The following COL4A1 variants were observed in gnomAD, a reference collection of about 807,000 sequenced individuals.
COL4A1 encodes collagen type IV alpha 1 chain.
COL4A1 carries 40 observed loss-of-function variants against 216.6 expected under a neutral mutation model. The observed-to-expected ratio is 0.18, with a 90% CI of 0.14 to 0.24. COL4A1 has a LOEUF of 0.24. Among genes scored for constraint, COL4A1 ranks in the 10% least tolerant of loss-of-function variants. The probability of loss-of-function intolerance (pLI) is 1.00; values close to 1 mark genes in which losing one functional copy is unlikely to be tolerated. For synonymous variants in COL4A1, 839 were observed against 810.7 expected, an observed-to-expected ratio of 1.03 and a Z score of -0.59; for missense variants, 1,628 against 2,196.8, an observed-to-expected ratio of 0.74 and a Z score of 5.18.
intron 51 of COL4A1, 66 bp downstream of exon 51, chr13:110,152,268 C>T (rs1171598867): frequency 5.0e-6 from 8 of 1,599,594 alleles, no homozygotes; most frequent in Admixed American, 3.4e-5. Context: ...TTACGGATCG[C>T]GGATGATTAA....
intron 2 of COL4A1, among the ~76,000 whole-genome samples, chr13:110,229,996 C>T (rs914065349): frequency 6.6e-6 from 1 of 152,150 alleles, no homozygotes; most frequent in Non-Finnish European, 1.5e-5. Flanking sequence ...CTCTCCTGTC[C>T]CCTTCCACAG....
chr13:110,179,442 G>A, intron 29 of COL4A1, 21 bp from the exon 30 acceptor site: 2 of 1,613,998 alleles, frequency 1.2e-6, no homozygotes, highest in Non-Finnish European at 8.5e-7. Context: ...CCAAAGCACA[G>A]AGAAGCAAAT....
rs551365970 is a variant in COL4A1 at position 110,176,474 on chromosome 13, G to A, written c.3008C>T (p.Ala1003Val). 40 of 1,614,016 alleles carry A rather than the reference G, an allele frequency of 2.5e-5. No individual in the cohort carries two copies. The South Asian group carries it at 3.8e-4, about 16-fold the overall frequency. ...TCCTTTTGGTCCCGGAAGTCCTGGAGCACCTGGGGTTCCACTTATACCTGG... is the reference window on the plus strand; with the variant it reads ...TCCTTTTGGTCCCGGAAGTCCTGGAACACCTGGGGTTCCACTTATACCTGG... The part of the protein sequence containing the change: ...GDPGISGTPG[A>V]PGLPGPKGSV... Residue 1003 changes from alanine to valine, a missense_variant, in exon 36 of 52, where the codon GCT (alanine) becomes GTT (valine). Physicochemically the swap from Ala to Val is moderately conservative, Grantham distance 64. Around this residue, in one of 8 missense-constraint regions of COL4A1, gnomAD observed 58 missense variants for 132.5 expected, o/e 0.44. Transcript: ENST00000375820.
intron 8 of COL4A1, among the ~76,000 whole-genome samples, 176 bp from the exon 9 acceptor site, chr13:110,210,388 G>A (rs1174524261): frequency 3.3e-5 from 5 of 152,060 alleles, no homozygotes; most frequent in South Asian, 2.1e-4. Context: ...CATGATTGCC[G>A]TCTTAATGGC....
At chr13:110,291,478 T>C (rs1884086603) in intron 1 of COL4A1, among the ~76,000 whole-genome samples, 1 of 152,208 alleles carries the variant, frequency 6.6e-6, no homozygotes. Context: ...TGGACCTCGC[T>C]GGCCTGGGCA....
intron 28 of COL4A1, among the ~76,000 whole-genome samples, 167 bp from the exon 29 acceptor site, chr13:110,181,556 C>T (rs146787452): frequency 2.1e-3 from 320 of 152,258 alleles, no homozygotes; most frequent in African/African-American, 7.2e-3. Context: ...GGAGACTGCC[C>T]GGCAGAGGGG....
intron 2 of COL4A1, among the ~76,000 whole-genome samples, chr13:110,232,490 T>C (rs901835052): frequency 6.6e-6 from 1 of 152,230 alleles, no homozygotes; most frequent in Non-Finnish European, 1.5e-5. Context: ...GAAAATCCCA[T>C]TGCCCAGTTT....
chr13:110,239,010 T>G (rs1194562887), intron 2 of COL4A1, among the ~76,000 whole-genome samples: 1 of 152,178 alleles, frequency 6.6e-6, no homozygotes, highest in Non-Finnish European at 1.5e-5. Flanking sequence ...AGAGCCACTG[T>G]GTGCAAGGCC....
At chr13:110,201,390 G>GAGAAGGAGGGGGAGT in intron 19 of COL4A1, 48 bp downstream of exon 19, 1 of 1,319,966 alleles carries the variant, frequency 7.6e-7, no homozygotes, top group Non-Finnish European at 1.0e-6. Flanking sequence ...AGGAGGAGGA[G>GAGAAGGAGGGGGAGT]AGAAGGAGGG....
intron 1 of COL4A1, among the ~76,000 whole-genome samples, chr13:110,253,630 ATATG>A (rs1223690588): frequency 2.4e-4 from 32 of 135,788 alleles, no homozygotes; most frequent in Middle Eastern, 4.9e-3. Flanking sequence ...TTATAATTAT[ATATG>A]TATGTATGTA....
At chr13:110,155,216 A>G (rs1566334820) in intron 50 of COL4A1, 67 bp downstream of exon 50, 1 of 1,168,226 alleles carries the variant, frequency 8.6e-7, no homozygotes, top group East Asian at 2.3e-5. Flanking sequence ...GAGGCACCAG[A>G]CAGAGGCGAC....
chr13:110,169,712 T>C lies in COL4A1; in HGVS notation c.3793A>G (p.Lys1265Glu). ...PPGLPGIDGV[K>E]GDKGNPGWPG... ...CAGCCTGGATTTCCTTTGTCACCTT[T>C]AACTCCATCAATCCCAGGAAGCCCT... Residue 1265 changes from lysine (K) to glutamate (E), a missense_variant, in exon 43 of 52, where the codon AAA (lysine) becomes GAA (glutamate). Transcript: ENST00000375820. The C allele has an allele frequency of 6.2e-7, 1 of 1,614,026 alleles. No individual in the cohort carries two copies. Among genetic ancestry groups the C allele is most frequent in the Non-Finnish European group, 8.5e-7 (1 of 1,180,006 alleles).
intron 1 of COL4A1, among the ~76,000 whole-genome samples, chr13:110,291,641 T>A (rs1046077157): frequency 3.3e-5 from 5 of 152,208 alleles, no homozygotes; most frequent in Admixed American, 6.5e-5. Flanking sequence ...GAGCCCTGAC[T>A]GCCCCCAAGT....
In COL4A1 at chr13:110,209,359, T is replaced by A. The variant is rs1225675388; in HGVS notation, c.651+33A>T. The A allele has an allele frequency of 6.9e-6, 11 of 1,605,384 alleles. No homozygotes were observed. The African/African-American group carries it at 1.5e-4, about 21-fold the overall frequency. ...CAATTTCATGATAGCCTTATACTAA[T>A]GCCAAAGAACAAAAAATGAAAAGAA... is the stretch of plus-strand genomic sequence containing the variant. On this transcript the variant is annotated intron_variant, in intron 11 of 51. Transcript: ENST00000375820.
chr13:110,303,282 A>G (rs892752090), intron 1 of COL4A1, among the ~76,000 whole-genome samples: 1 of 151,982 alleles, frequency 6.6e-6, no homozygotes, highest in African/African-American at 2.4e-5. Flanking sequence ...GCAACTTTCC[A>G]AACATCCCCT....
chr13:110,306,957 C>T lies in COL4A1; in HGVS notation c.71G>A (p.Arg24Gln), dbSNP rs773669081. Reference sequence around the variant, plus strand: ...CCGGGAACTCACCTTCGCAGCGGCCCGGCTGTGCTCCTCGTGGAGCAGAAG... The same window carrying T: ...CCGGGAACTCACCTTCGCAGCGGCCTGGCTGTGCTCCTCGTGGAGCAGAAG... ...AALLLHEEHS[R>Q]AAAKGGCAGS... The change falls in exon 1 of 52, where the codon CGG becomes CAG. Residue 24 changes from arginine to glutamine, a missense_variant. By Grantham distance (43) the Arg-to-Gln change is conservative (BLOSUM62 1). This residue lies in a region of COL4A1 where 74 missense variants were observed against 61.7 expected (regional missense o/e 1.20). Coordinates refer to ENST00000375820, the MANE Select transcript of COL4A1 (RefSeq NM_001845.6). 1.4e-6 allele frequency: 2 copies of T among 1,474,686 alleles called. No homozygotes were observed. The highest frequency in any genetic ancestry group is 1.3e-5 in the South Asian group (1 of 77,630). 91.4% of individuals were successfully genotyped at this position (1,474,686 alleles called of 1,614,324 possible).
chr13:110,204,164 A>T (rs779324015), intron 17 of COL4A1, among the ~76,000 whole-genome samples: 4 of 152,240 alleles, frequency 2.6e-5, no homozygotes, highest in Non-Finnish European at 5.9e-5. Flanking sequence ...AAAAACTCAA[A>T]GAAATTAACC....
chr13:110,156,415 T>A (rs1316121206), intron 49 of COL4A1, among the ~76,000 whole-genome samples: 1 of 152,240 alleles, frequency 6.6e-6, no homozygotes, highest in African/African-American at 2.4e-5. Flanking sequence ...AACTTAAGGC[T>A]GAATGTCCAC....
At chr13:110,191,378 G>A (rs1160607485) in intron 24 of COL4A1, 1 of 311,266 alleles carries the variant, frequency 3.2e-6, no homozygotes, top group Non-Finnish European at 5.8e-6. Context: ...AGGAATGAAA[G>A]GAATTGTGGA....
Sources: allele counts gnomAD v4.1 joint callset (sites outside exome capture counted in the v4.1 genomes callset), GRCh38; gene constraint gnomAD v4.1.1; regional missense constraint gnomAD v4.1.1; transcripts MANE v1.5; gene names NCBI Gene and HGNC (gene_info 2026-07-23, HGNC 2026-07-21).